CTTNBP2: variants seen among roughly 807,000 people sequenced by gnomAD.
The protein encoded by CTTNBP2 is cortactin binding protein 2.
In CTTNBP2, 108 loss-of-function variants were observed where a neutral mutation model predicts 156.9. The observed-to-expected ratio is 0.69, with a 90% CI of 0.59 to 0.81. CTTNBP2 has a LOEUF of 0.81. CTTNBP2 is among the 30% of genes least tolerant of loss of function. The pLI, the probability that CTTNBP2 is intolerant of heterozygous loss-of-function variation, is 0.00. For synonymous variants in CTTNBP2, 767 were observed against 751.8 expected (o/e 1.02, Z -0.33); for missense variants, 1,924 against 2,035.4 (o/e 0.95, Z 1.05).
intron 12 of CTTNBP2, among the ~76,000 whole-genome samples, chr7:117,746,806 G>A (rs561898385): frequency 6.6e-6 from 1 of 152,176 alleles, no homozygotes; most frequent in African/African-American, 2.4e-5. Flanking sequence ...AGGTAGAGAT[G>A]GATTACTTTC....
Position 117,792,751 on chromosome 7 carries a change from G to A in CTTNBP2, c.445C>T (p.Leu149Phe), listed in dbSNP as rs1293037545. The A allele has an allele frequency of 1.9e-6, 3 of 1,586,506 alleles. No individual in the cohort carries two copies. Among genetic ancestry groups the A allele is most frequent in the Admixed American group, 1.8e-5 (1 of 54,756 alleles). Reference sequence around the variant, plus strand: ...GCCAGCTTCTTGTGCTCTTGCTCAAGGGCTTGTAGCTGAAGCTTCTCCATT... The same window carrying A: ...GCCAGCTTCTTGTGCTCTTGCTCAAAGGCTTGTAGCTGAAGCTTCTCCATT... ...LEMEKLQLQA[L>F]EQEHKKLAAR... The change falls in exon 4 of 23, where the codon CTT (leucine) becomes TTT (phenylalanine). Residue 149 changes from leucine (L) to phenylalanine (F), a missense_variant. Leu to Phe is a conservative substitution (Grantham distance 22). Transcript: ENST00000160373. The surrounding 1 kb of genome is among the most constrained non-coding windows in gnomAD (Gnocchi z 4.2).
rs755361712 is a variant in CTTNBP2 at position 117,724,562 on chromosome 7, C to A, written c.4432G>T (p.Asp1478Tyr). ...RFSLPTWNKP[D>Y]LSTEGMKNKT... is the part of the protein sequence containing the mutation. Reference sequence around the variant, plus strand: ...CGCCCTTTACCTTCAGTGCTTAGGTCTGGCTTATTCCAGGTGGGTAAAGAG... The same window carrying A: ...CGCCCTTTACCTTCAGTGCTTAGGTATGGCTTATTCCAGGTGGGTAAAGAG... Residue 1478 changes from aspartate (D) to tyrosine (Y), a missense_variant, in exon 19 of 23, where the codon GAC becomes TAC. By Grantham distance (160) the Asp-to-Tyr change is radical. Transcript: ENST00000160373. 2 of 1,613,546 alleles carry A rather than the reference C, an allele frequency of 1.2e-6. No homozygotes were observed. The highest frequency in any genetic ancestry group is 2.2e-5 in the East Asian group (1 of 44,868).
chr7:117,717,545 C>T (rs1187521725), intron 22 of CTTNBP2, among the ~76,000 whole-genome samples: 1 of 151,932 alleles, frequency 6.6e-6, no homozygotes, highest in African/African-American at 2.4e-5. Flanking sequence ...AATCTTGCAC[C>T]ATCCTACTCT....
chr7:117,861,268 G>A lies in CTTNBP2; in HGVS notation c.130C>T (p.Leu44Phe). Reference sequence around the variant, plus strand: ...AGCTCCCCTTCCATCACGCTGAGGAGCATCCGCAGCTCGGATTTACTGAGA... The same window carrying A: ...AGCTCCCCTTCCATCACGCTGAGGAACATCCGCAGCTCGGATTTACTGAGA... ...DTLSKSELRMLLSVMEGELEA... is the reference protein window; with the variant it reads ...DTLSKSELRMFLSVMEGELEA... The change falls in exon 2 of 23, where the codon CTC becomes TTC. Residue 44 changes from leucine to phenylalanine, a missense_variant. Coordinates refer to ENST00000160373, the MANE Select transcript of CTTNBP2 (RefSeq NM_033427.3). 1 of 1,613,750 alleles carries A rather than the reference G, an allele frequency of 6.2e-7. No homozygotes were observed. The highest frequency in any genetic ancestry group is 8.5e-7 in the Non-Finnish European group (1 of 1,179,880).
chr7:117,861,141 G>A, intron 2 of CTTNBP2, 68 bp downstream of exon 2: 1 of 883,436 alleles, frequency 1.1e-6, no homozygotes, highest in Admixed American at 2.6e-5. Flanking sequence ...GAAAAAGAAG[G>A]TTTGCCAATG....
intron 2 of CTTNBP2, among the ~76,000 whole-genome samples, chr7:117,814,188 T>C (rs1190547457): frequency 3.9e-5 from 6 of 152,150 alleles, no homozygotes; most frequent in South Asian, 2.1e-4. Context: ...TAAATACATA[T>C]ATCACAGACC....
At chr7:117,821,826 G>C (rs963351526) in intron 2 of CTTNBP2, among the ~76,000 whole-genome samples, 78 of 152,210 alleles carry the variant, frequency 5.1e-4, no homozygotes, top group African/African-American at 1.8e-3. Context: ...TCCTGACCTT[G>C]TGATCCACCC....
chr7:117,753,976 TTCAACACACA>T (rs1219891086), intron 12 of CTTNBP2, among the ~76,000 whole-genome samples: 1 of 152,202 alleles, frequency 6.6e-6, no homozygotes, highest in East Asian at 1.9e-4. Context: ...TTTCCAACAA[TTCAACACACA>T]TCAATGTGCC....
Position 117,762,776 on chromosome 7 carries a change from C to A in CTTNBP2, c.2897-2066G>T, listed in dbSNP as rs114132247. Among the ~76,000 whole-genome samples, 799 of 152,308 alleles carry A rather than the reference C, an allele frequency of 5.2e-3. 8 individuals carry two copies. The highest frequency in any genetic ancestry group is 0.018 in the African/African-American group (761 of 41,572). ...CGCATTCCAACAAGATCAGGCCACG[C>A]TCCACCCTGTAACTGCTCTCCTGCA... On this transcript the variant is annotated intron_variant, in intron 9 of 22. Coordinates refer to ENST00000160373, the MANE Select transcript of CTTNBP2 (RefSeq NM_033427.3).
chr7:117,728,961 G>T (rs1464290637), intron 16 of CTTNBP2, among the ~76,000 whole-genome samples: 1 of 152,190 alleles, frequency 6.6e-6, no homozygotes, highest in Non-Finnish European at 1.5e-5. Flanking sequence ...GTCAGCCAGG[G>T]CTGAAAGAAC....
intron 2 of CTTNBP2, among the ~76,000 whole-genome samples, chr7:117,825,385 G>T (rs112458189): frequency 2.6e-5 from 4 of 152,320 alleles, no homozygotes; most frequent in African/African-American, 9.6e-5. Flanking sequence ...CTCCTTCACA[G>T]TCACAGAAGG....
intron 2 of CTTNBP2, among the ~76,000 whole-genome samples, chr7:117,820,831 C>A (rs1282759283): frequency 1.3e-5 from 2 of 152,096 alleles, no homozygotes; most frequent in Non-Finnish European, 2.9e-5. Flanking sequence ...CTCTGTTTTT[C>A]CACATAAATT....
rs750519345 is a variant in CTTNBP2, at chr7:117,791,653, T to C, written c.1543A>G (p.Thr515Ala). ...GGAGGGTGGGTGCCAACATCCCCTG[T>C]TGGGGGCACTCCAGGCCTTGAGGGA... ...GAPSRPGVPP[T>A]GDVGTHPPVG... The change falls in exon 4 of 23, where the codon ACA (threonine) becomes GCA (alanine). Residue 515 changes from threonine to alanine, a missense_variant. Physicochemically the swap from Thr to Ala is moderately conservative, Grantham distance 58. Coordinates refer to ENST00000160373, the MANE Select transcript of CTTNBP2 (RefSeq NM_033427.3). The C allele has an allele frequency of 6.2e-7, 1 of 1,614,116 alleles. No homozygotes were observed. Among genetic ancestry groups the C allele is most frequent in the Non-Finnish European group, 8.5e-7 (1 of 1,180,008 alleles).
intron 4 of CTTNBP2, 116 bp from the exon 5 acceptor site, chr7:117,784,570 T>C: frequency 1.5e-6 from 1 of 663,228 alleles, no homozygotes; most frequent in Admixed American, 3.4e-5. Context: ...CCTAGAGGAT[T>C]ATGTGGTTTC....
intron 3 of CTTNBP2, among the ~76,000 whole-genome samples, chr7:117,800,891 C>T (rs532007006): frequency 2.0e-5 from 3 of 152,044 alleles, no homozygotes; most frequent in Non-Finnish European, 4.4e-5. Context: ...AAACAGTGCT[C>T]CTGGAAGAAA....
chr7:117,785,292 C>T (rs576542316), intron 4 of CTTNBP2, among the ~76,000 whole-genome samples: 81 of 152,218 alleles, frequency 5.3e-4, no homozygotes, highest in African/African-American at 1.9e-3. Context: ...TGTGTGAAAT[C>T]GGCTGCATAT....
chr7:117,728,153 G>A lies in CTTNBP2; in HGVS notation c.3991C>T (p.Leu1331Phe), dbSNP rs753989104. ...GACAGGAAATATTTTGGTCCAAGAAGTGCTTCAGGTGTGCCCAAGCGGGCC... is the reference window on the plus strand; with the variant it reads ...GACAGGAAATATTTTGGTCCAAGAAATGCTTCAGGTGTGCCCAAGCGGGCC... ...CLARLGTPEA[L>F]LGPKYFLSCP... The change falls in exon 17 of 23, where the codon CTT (leucine) becomes TTT (phenylalanine). Residue 1331 changes from leucine to phenylalanine, a missense_variant. Physicochemically the swap from Leu to Phe is conservative, Grantham distance 22. Coordinates refer to ENST00000160373, the MANE Select transcript of CTTNBP2 (RefSeq NM_033427.3). 5 of 1,614,200 alleles carry A rather than the reference G, an allele frequency of 3.1e-6. No individual in the cohort carries two copies. Among genetic ancestry groups the A allele is most frequent in the Middle Eastern group, 1.6e-4 (1 of 6,062 alleles).
chr7:117,735,679 T>C (rs1562961841), intron 14 of CTTNBP2, among the ~76,000 whole-genome samples: 2 of 152,072 alleles, frequency 1.3e-5, no homozygotes, highest in African/African-American at 2.4e-5. Context: ...CCATCAACAA[T>C]AGAATAAATG....
intron 4 of CTTNBP2, among the ~76,000 whole-genome samples, chr7:117,785,265 G>T (rs1295207173): frequency 6.6e-6 from 1 of 152,212 alleles, no homozygotes; most frequent in African/African-American, 2.4e-5. Context: ...AGCAGCTTTA[G>T]AAGAGAGTCT....
Sources: gnomAD v4.1 joint callset for allele counts (sites outside exome capture counted in the v4.1 genomes callset) on GRCh38, gnomAD v4.1.1 for gene constraint, Gnocchi (gnomAD v3.1) non-coding constraint, MANE v1.5 for transcripts, NCBI Gene and HGNC (gene_info 2026-07-23, HGNC 2026-07-21) for gene names.